Variants in LRRC8C observed in about 807,000 individuals in gnomAD.
LRRC8C encodes leucine rich repeat containing 8 VRAC subunit C, also known as volume-regulated anion channel subunit LRRC8C.
LRRC8C carries 20 observed loss-of-function variants against 55.3 expected under a neutral mutation model. The ratio of observed to expected loss-of-function variants is 0.36; its 90% CI spans 0.25 to 0.53. LRRC8C has a LOEUF of 0.53. Ranked by LOEUF, LRRC8C falls within the 20% of genes least tolerant of loss-of-function variation. The pLI is 0.92. For synonymous variants in LRRC8C, 376 were observed against 360.7 expected (o/e 1.04, Z -0.48); for missense variants, 659 against 951.4 (o/e 0.69, Z 4.04).
intron 1 of LRRC8C, among the ~76,000 whole-genome samples, chr1:89,680,531 G>C (rs542142693): frequency 2.8e-5 from 4 of 145,404 alleles, no homozygotes; most frequent in African/African-American, 1.0e-4. Flanking sequence ...TAAGTGCCAG[G>C]TGTTTCATGC....
At chr1:89,681,916 G>T (rs113797910) in intron 1 of LRRC8C, among the ~76,000 whole-genome samples, 1 of 152,188 alleles carries the variant, frequency 6.6e-6, no homozygotes, top group Non-Finnish European at 1.5e-5. Context: ...GGCTGGGCAC[G>T]CCTGTAATCC....
intron 2 of LRRC8C, among the ~76,000 whole-genome samples, chr1:89,689,034 G>A (rs764371108): frequency 2.2e-4 from 34 of 152,226 alleles, no homozygotes; most frequent in Non-Finnish European, 3.7e-4. Context: ...GAGAGGCTCA[G>A]GAGGACAGCA....
At chr1:89,655,417 T>A (rs920389407) in intron 1 of LRRC8C, among the ~76,000 whole-genome samples, 1 of 152,224 alleles carries the variant, frequency 6.6e-6, no homozygotes, top group African/African-American at 2.4e-5. Flanking sequence ...TTTGTCTTAT[T>A]TATATCTGTC....
intron 1 of LRRC8C, among the ~76,000 whole-genome samples, chr1:89,648,160 T>C (rs1656664088): frequency 6.6e-6 from 1 of 152,236 alleles, no homozygotes; most frequent in Non-Finnish European, 1.5e-5. Flanking sequence ...TGTTTATAAA[T>C]CGAATACATA....
intron 1 of LRRC8C, chr1:89,661,374 T>C: frequency 6.0e-6 from 2 of 333,016 alleles, no homozygotes; most frequent in Non-Finnish European, 1.2e-5. Context: ...ACAGTGCTGC[T>C]CCAGTACCTC....
At chr1:89,710,782 G>A (rs1658628948) in intron 2 of LRRC8C, among the ~76,000 whole-genome samples, 1 of 152,172 alleles carries the variant, frequency 6.6e-6, no homozygotes, top group Non-Finnish European at 1.5e-5. Flanking sequence ...TCTGTAAAAT[G>A]TGACTTGTTT....
chr1:89,706,641 G>A (rs1570740558), intron 2 of LRRC8C, among the ~76,000 whole-genome samples: 2 of 152,216 alleles, frequency 1.3e-5, no homozygotes, highest in African/African-American at 2.4e-5. Flanking sequence ...CACTTACAGT[G>A]CATCTCTAAA....
chr1:89,662,581 T>G (rs1197956722), intron 1 of LRRC8C, among the ~76,000 whole-genome samples: 1 of 152,138 alleles, frequency 6.6e-6, no homozygotes, highest in Non-Finnish European at 1.5e-5. Flanking sequence ...TGGATCGGGG[T>G]AGCAGCTAAG....
At chr1:89,654,337 T>G (rs1260897452) in intron 1 of LRRC8C, among the ~76,000 whole-genome samples, 1 of 152,166 alleles carries the variant, frequency 6.6e-6, no homozygotes, top group Non-Finnish European at 1.5e-5. Flanking sequence ...CAGGTGATGG[T>G]TACACTAAAA....
At chr1:89,632,830 G>A (rs1056448614), upstream of LRRC8C, 1 of 152,442 alleles carries the variant, frequency 6.6e-6, no homozygotes, top group Non-Finnish European at 1.5e-5. Flanking sequence ...GAAGCGGAGA[G>A]AGGATTTCTC....
At chr1:89,690,547 T>A (rs949479792) in intron 2 of LRRC8C, among the ~76,000 whole-genome samples, 6 of 149,180 alleles carry the variant, frequency 4.0e-5, no homozygotes, top group African/African-American at 1.5e-4. Context: ...CATGGCAGGA[T>A]GAAAAGAGAA....
chr1:89,617,798 C>A, the LRRC8C span, among the ~76,000 whole-genome samples: 97 of 152,264 alleles, frequency 6.4e-4, no homozygotes, highest in Middle Eastern at 3.4e-3. Flanking sequence ...TTCAGTCACT[C>A]ACTAGAACAA....
intron 1 of LRRC8C, among the ~76,000 whole-genome samples, chr1:89,669,383 A>G (rs12087373): frequency 0.026 from 3,903 of 152,232 alleles, 167 homozygotes; most frequent in African/African-American, 0.089. Context: ...ACCTATAGTT[A>G]CCCAAACTGT....
chr1:89,659,061 T>TGTGTGTG (rs1553164941), intron 1 of LRRC8C, among the ~76,000 whole-genome samples: 1 of 53,976 alleles, frequency 1.9e-5, no homozygotes, highest in African/African-American at 6.3e-5. Context: ...TTTTTTTTTT[T>TGTGTGTG]TGTGTGTGTG....
intron 2 of LRRC8C, among the ~76,000 whole-genome samples, chr1:89,705,037 T>C (rs1355079804): frequency 1.3e-5 from 2 of 151,776 alleles, no homozygotes; most frequent in East Asian, 1.9e-4. Context: ...TGTCCAACAA[T>C]GATAGACTGG....
chr1:89,644,904 A>G (rs532559406), intron 1 of LRRC8C, among the ~76,000 whole-genome samples: 16 of 152,198 alleles, frequency 1.1e-4, no homozygotes, highest in Non-Finnish European at 1.9e-4. Flanking sequence ...AACCGAGTCA[A>G]TGGCCTGCTA....
At chr1:89,703,850 G>T (rs896611653) in intron 2 of LRRC8C, among the ~76,000 whole-genome samples, 2 of 151,922 alleles carry the variant, frequency 1.3e-5, no homozygotes, top group East Asian at 3.8e-4. Context: ...CTAGAAATAA[G>T]TCCAAATATC....
chr1:89,714,619 C>T lies in LRRC8C; in HGVS notation c.2049C>T (p.Asn683=), dbSNP rs749058601. The change falls in exon 3 of 3, where the codon AAC becomes AAT. Residue 683 remains asparagine, a synonymous_variant. Coordinates refer to ENST00000370454, the MANE Select transcript of LRRC8C (RefSeq NM_032270.5). This position sits in a 1 kb window ranked among gnomAD's most constrained non-coding sequence, Gnocchi z 4.6. The part of the protein sequence containing the change: ...EVLPSHLFLC[N]KIRYLDLSYN... ...TGCCTTCCCACCTCTTCCTATGCAA[C>T]AAGATCCGATACTTGGACTTATCGT... 1.2e-6 allele frequency: 2 copies of T among 1,614,112 alleles called. No homozygotes were observed. The highest frequency in any genetic ancestry group is 1.7e-6 in the Non-Finnish European group (2 of 1,179,974).
At chr1:89,676,165 A>T (rs1657542957) in intron 1 of LRRC8C, 1 of 152,232 alleles carries the variant, frequency 6.6e-6, no homozygotes, top group Non-Finnish European at 1.5e-5. Flanking sequence ...GCAATATTCC[A>T]AACCATTATT....
Sources: allele counts gnomAD v4.1 joint callset (sites outside exome capture counted in the v4.1 genomes callset), GRCh38; gene constraint gnomAD v4.1.1; non-coding constraint Gnocchi (gnomAD v3.1); transcripts MANE v1.5; gene names NCBI Gene and HGNC (gene_info 2026-07-23, HGNC 2026-07-21).